The following CNTLN variants were observed in gnomAD, a reference collection of about 807,000 sequenced individuals.
The protein encoded by CNTLN is centlein.
A neutral mutation model predicts 180.0 loss-of-function variants in CNTLN; 212 were observed. The ratio of observed to expected loss-of-function variants is 1.18; its 90% CI spans 1.05 to 1.32. CNTLN has a LOEUF of 1.32. Ranked by LOEUF, CNTLN falls within the 40% of genes most tolerant of loss-of-function variation. The pLI is 0.00. For synonymous variants in CNTLN, 722 were observed against 563.1 expected, an observed-to-expected ratio of 1.28 and a Z score of -3.99; for missense variants, 2,095 against 1,610.9, an observed-to-expected ratio of 1.30 and a Z score of -5.14.
intron 5 of CNTLN, among the ~76,000 whole-genome samples, chr9:17,250,249 A>G (rs986000086): frequency 5.3e-5 from 8 of 151,928 alleles, no homozygotes; most frequent in African/African-American, 1.9e-4. Flanking sequence ...ACTTGTTTGT[A>G]TCTTTGGATT....
At position 17,420,759 on chromosome 9, in the gene CNTLN, T is replaced by A. The variant is rs114929147; in HGVS notation, c.3114+4570T>A. Among the ~76,000 whole-genome samples, 1,080 of 152,246 alleles carry A rather than the reference T, an allele frequency of 7.1e-3. 11 individuals are homozygous for A. The highest frequency in any genetic ancestry group is 0.024 in the African/African-American group (1,002 of 41,552). On this transcript the variant is annotated intron_variant, in intron 18 of 25. Coordinates refer to ENST00000380647, the MANE Select transcript of CNTLN (RefSeq NM_017738.4). Reference sequence around the variant, plus strand: ...TAGGTCTTGGTATGTTGTGCTTCGATTATTTGTTTCAAGAAATTATTGAAT... The same window carrying A: ...TAGGTCTTGGTATGTTGTGCTTCGAATATTTGTTTCAAGAAATTATTGAAT...
At chr9:17,192,402 C>T (rs1309239975) in intron 2 of CNTLN, among the ~76,000 whole-genome samples, 1 of 152,048 alleles carries the variant, frequency 6.6e-6, no homozygotes, top group Non-Finnish European at 1.5e-5. Context: ...CCGTGCCCGG[C>T]TAATTTTTGT....
chr9:17,496,546 G>T (rs1833467579), intron 25 of CNTLN, among the ~76,000 whole-genome samples: 1 of 152,126 alleles, frequency 6.6e-6, no homozygotes, highest in South Asian at 2.1e-4. Context: ...TTGCAGTTTA[G>T]GATTTCAACA....
intron 13 of CNTLN, among the ~76,000 whole-genome samples, chr9:17,369,190 G>A (rs1365556350): frequency 1.3e-5 from 2 of 152,018 alleles, no homozygotes. Flanking sequence ...GTTTTGTAAG[G>A]GGCTTTTTCC....
intron 10 of CNTLN, among the ~76,000 whole-genome samples, chr9:17,339,979 C>A (rs974847827): frequency 6.6e-6 from 1 of 151,560 alleles, no homozygotes; most frequent in Non-Finnish European, 1.5e-5. Context: ...CAGAGTGAGA[C>A]CCTGTTTCTA....
At chr9:17,285,270 T>C (rs1453644390) in intron 6 of CNTLN, among the ~76,000 whole-genome samples, 1 of 150,374 alleles carries the variant, frequency 6.7e-6, no homozygotes, top group African/African-American at 2.4e-5. Context: ...TTTTTTGTTC[T>C]TGTGATAGTT....
chr9:17,417,295 C>T (rs922695750), intron 18 of CNTLN, among the ~76,000 whole-genome samples: 25 of 152,046 alleles, frequency 1.6e-4, no homozygotes, highest in African/African-American at 5.1e-4. Context: ...CTTTAATATC[C>T]TCTCTTTCTT....
At chr9:17,138,290 A>G (rs1325680137) in intron 1 of CNTLN, among the ~76,000 whole-genome samples, 1 of 152,210 alleles carries the variant, frequency 6.6e-6, no homozygotes, top group Non-Finnish European at 1.5e-5. Flanking sequence ...ATATGTTTAT[A>G]TAGCATTTAT....
At chr9:17,391,768 G>C (rs1826133401) in intron 14 of CNTLN, among the ~76,000 whole-genome samples, 1 of 152,074 alleles carries the variant, frequency 6.6e-6, no homozygotes, top group Admixed American at 6.6e-5. Context: ...ATGTTAAGGT[G>C]AATGATAATA....
chr9:17,150,762 T>C (rs915895838), intron 2 of CNTLN, among the ~76,000 whole-genome samples: 1 of 152,226 alleles, frequency 6.6e-6, no homozygotes, highest in African/African-American at 2.4e-5. Context: ...TTTCACGATA[T>C]TGATTCTTCC....
At chr9:17,429,549 C>G (rs958125702) in intron 18 of CNTLN, among the ~76,000 whole-genome samples, 2 of 151,908 alleles carry the variant, frequency 1.3e-5, no homozygotes, top group Non-Finnish European at 2.9e-5. Context: ...TTTTATGATG[C>G]TTTAAATTTG....
intron 23 of CNTLN, among the ~76,000 whole-genome samples, chr9:17,475,874 A>C (rs1487151340): frequency 1.2e-4 from 1 of 8,588 alleles, no homozygotes; most frequent in Non-Finnish European, 4.7e-3. Context: ...CTCTCTCTCA[A>C]AAAAAAAAAA....
At chr9:17,185,657 A>G (rs188334651) in intron 2 of CNTLN, among the ~76,000 whole-genome samples, 2 of 152,276 alleles carry the variant, frequency 1.3e-5, no homozygotes, top group East Asian at 3.9e-4. Flanking sequence ...TCAGAGACCA[A>G]GGAGGTGAGG....
chr9:17,188,648 T>A (rs1821587432), intron 2 of CNTLN, among the ~76,000 whole-genome samples: 1 of 152,166 alleles, frequency 6.6e-6, no homozygotes, highest in South Asian at 2.1e-4. Context: ...GGTTTCAAGT[T>A]TTCTGATATT....
chr9:17,522,793 C>G, the CNTLN span, among the ~76,000 whole-genome samples: 2 of 152,138 alleles, frequency 1.3e-5, no homozygotes, highest in Non-Finnish European at 2.9e-5. Flanking sequence ...GATGCCCAAG[C>G]GTGTATCCAA....
intron 2 of CNTLN, among the ~76,000 whole-genome samples, chr9:17,157,650 G>T (rs961428941): frequency 1.3e-5 from 2 of 152,084 alleles, no homozygotes; most frequent in African/African-American, 4.8e-5. Flanking sequence ...GCCATCATCC[G>T]GTCATTTGAG....
intron 5 of CNTLN, among the ~76,000 whole-genome samples, chr9:17,249,593 C>T (rs1206426680): frequency 6.6e-6 from 1 of 152,086 alleles, no homozygotes; most frequent in South Asian, 2.1e-4. Context: ...TCATGATCTG[C>T]CTTCCTCGGC....
In CNTLN at chr9:17,147,265, A is replaced by C. The variant is rs547848230; in HGVS notation, c.449+3889A>C. Among the ~76,000 whole-genome samples, 3 of 152,184 alleles carry C rather than the reference A, an allele frequency of 2.0e-5. No individual in the cohort carries two copies. The South Asian group carries it at 6.2e-4, about 31-fold the overall frequency. On this transcript the variant is annotated intron_variant, in intron 2 of 25. Transcript: ENST00000380647. ...CTTTTCTAATTCTGTTGCTTGCCCA[A>C]CACTCTGAGTAGGGATCTTTTCTGG...
intron 6 of CNTLN, among the ~76,000 whole-genome samples, chr9:17,284,848 TA>T (rs1828882675): frequency 6.6e-6 from 1 of 152,068 alleles, no homozygotes; most frequent in Non-Finnish European, 1.5e-5. Flanking sequence ...GTTTTGATGT[TA>T]GGGTGTCAAC....
Sources: allele counts gnomAD v4.1 joint callset (sites outside exome capture counted in the v4.1 genomes callset), GRCh38; gene constraint gnomAD v4.1.1; transcripts MANE v1.5; gene names NCBI Gene and HGNC (gene_info 2026-07-23, HGNC 2026-07-21).